CT45A1: variants seen among roughly 807,000 people sequenced by gnomAD.
The protein encoded by CT45A1 is cancer/testis antigen family 45 member A1, also known as cancer/testis antigen 45-1.
At chrX:135,712,973 CT>C (rs782195332), upstream of CT45A1, among the ~76,000 whole-genome samples, 20 of 43,212 alleles carry the variant, frequency 4.6e-4, no homozygotes, top group Middle Eastern at 9.2e-3. Context: ...TTCTTTCTTT[CT>C]TTTCTTTCTC....
upstream of CT45A1, among the ~76,000 whole-genome samples, chrX:135,712,235 C>T (rs1490880277): frequency 1.5e-4 from 11 of 71,984 alleles, no homozygotes; most frequent in Admixed American, 1.9e-3. Context: ...CCAGGCTATG[C>T]GATCAAAGCT....
chrX:135,711,184 AT>A (rs1295483866), upstream of CT45A1, among the ~76,000 whole-genome samples: 1 of 111,722 alleles, frequency 9.0e-6, no homozygotes, highest in African/African-American at 3.3e-5. Context: ...CTGTGGTGGG[AT>A]TTTTTTAATG....
chrX:135,709,197 C>T (rs2087921898), upstream of CT45A1, among the ~76,000 whole-genome samples: 1 of 112,416 alleles, frequency 8.9e-6, no homozygotes, highest in Admixed American at 9.4e-5. Context: ...CCGATCTCGG[C>T]TCACTGCAAC....
At chrX:135,714,750 T>C (rs1283058455) in intron 1 of CT45A1, among the ~76,000 whole-genome samples, 1 of 110,820 alleles carries the variant, frequency 9.0e-6, no homozygotes, top group East Asian at 2.8e-4. Flanking sequence ...TGTTTTTATT[T>C]ATTGATTTTT....
At chrX:135,714,707 G>A (rs1156666932) in intron 1 of CT45A1, among the ~76,000 whole-genome samples, 2 of 110,788 alleles carry the variant, frequency 1.8e-5, no homozygotes, top group African/African-American at 6.6e-5. Context: ...TTTCTCTGCC[G>A]ATTAATGAGA....
intron 1 of CT45A1, among the ~76,000 whole-genome samples, 182 bp downstream of exon 1, chrX:135,713,872 C>T (rs1427258141): frequency 9.1e-6 from 1 of 109,589 alleles, no homozygotes; most frequent in Non-Finnish European, 1.9e-5. Flanking sequence ...CTGTGTCAGC[C>T]GCGGGGGAGC....
chrX:135,709,065 A>C (rs1342514708), upstream of CT45A1, among the ~76,000 whole-genome samples: 17 of 112,053 alleles, frequency 1.5e-4, no homozygotes, highest in African/African-American at 5.2e-4. Flanking sequence ...GAAAGTAAAC[A>C]AAACATTCAC....
intron 4 of CT45A1, 101 bp from the exon 5 acceptor site, chrX:135,722,863 ACATTTCTATTTC>A (rs1556573239): frequency 3.7e-6 from 1 of 269,673 alleles, no homozygotes; most frequent in East Asian, 9.4e-5. Context: ...CCATGCAGAT[ACATTTCTATTTC>A]CATGCTGACT....
intron 1 of CT45A1, among the ~76,000 whole-genome samples, chrX:135,714,928 T>C (rs1263021942): frequency 9.3e-6 from 1 of 107,059 alleles, no homozygotes; most frequent in Non-Finnish European, 1.9e-5. Flanking sequence ...TCCTCCAGCT[T>C]TTACTGAGAT....
chrX:135,717,196 A>G (rs1296462284), intron 1 of CT45A1, among the ~76,000 whole-genome samples: 2 of 112,013 alleles, frequency 1.8e-5, no homozygotes, highest in Non-Finnish European at 3.8e-5. Context: ...AATTTTAAAT[A>G]TGATTGCTAG....
At chrX:135,712,933 C>T (rs782696933), upstream of CT45A1, among the ~76,000 whole-genome samples, 143 of 81,958 alleles carry the variant, frequency 1.7e-3, 1 homozygote, top group South Asian at 3.1e-3. Flanking sequence ...CTTTTCTTTT[C>T]TTTTTTTCTT....
intron 1 of CT45A1, among the ~76,000 whole-genome samples, chrX:135,714,369 G>C (rs1418087237): frequency 2.7e-5 from 3 of 109,725 alleles, no homozygotes; most frequent in Non-Finnish European, 5.7e-5. Flanking sequence ...GGGGAATGGG[G>C]TGCTGTTCCT....
upstream of CT45A1, among the ~76,000 whole-genome samples, chrX:135,711,345 C>G (rs782603018): frequency 8.9e-6 from 1 of 112,123 alleles, no homozygotes; most frequent in East Asian, 2.8e-4. Context: ...GAAACACAGG[C>G]AAATATTAAT....
rs2087971996 is a variant in CT45A1 at position 135,715,313 on chromosome X, T to TTATATATTATA, written c.-7+1630_-7+1631insTATATATATAT. Among the ~76,000 whole-genome samples the TTATATATTATA allele has an allele frequency of 8.6e-5, 6 of 70,009 alleles. 1 individual carries two copies. The highest frequency in any genetic ancestry group is 3.1e-4 in the African/African-American group (6 of 19,348). 60.8% of individuals were successfully genotyped at this position (70,009 alleles called of 115,157 possible). A position where few individuals can be genotyped will look rare whatever the true frequency, so the allele number is the denominator to read the frequency against. ...TATATAATACTTATATATACAATAC[T>TTATATATTATA]TATATATAATACTTATATATTATAT... is the stretch of plus-strand genomic sequence containing the variant. On this transcript the variant is annotated intron_variant, in intron 1 of 4. Coordinates refer to ENST00000594565, the MANE Select transcript of CT45A1 (RefSeq NM_001017417.3).
the CT45A1 span, among the ~76,000 whole-genome samples, chrX:135,708,531 G>C: frequency 2.7e-5 from 3 of 110,743 alleles, no homozygotes; most frequent in Non-Finnish European, 3.8e-5. Flanking sequence ...AGACACCACC[G>C]TGGGTGCCTG....
At chrX:135,710,634 G>A (rs1423470394), upstream of CT45A1, among the ~76,000 whole-genome samples, 1 of 112,142 alleles carries the variant, frequency 8.9e-6, no homozygotes, top group Non-Finnish European at 1.9e-5. Context: ...ATGCTACTGC[G>A]CATAATCTCC....
At chrX:135,715,268 ATATATATATAATACT>A (rs1253855243) in intron 1 of CT45A1, among the ~76,000 whole-genome samples, 4 of 78,553 alleles carry the variant, frequency 5.1e-5, no homozygotes, top group Admixed American at 1.7e-4. Context: ...TATAATACTT[ATATATATATAATACT>A]TATATATATA....
At chrX:135,717,949 G>A (rs782433620) in intron 1 of CT45A1, among the ~76,000 whole-genome samples, 4 of 111,917 alleles carry the variant, frequency 3.6e-5, no homozygotes, top group African/African-American at 1.3e-4. Flanking sequence ...ACCTCCAATA[G>A]ATTGTTGAAT....
chrX:135,715,499 T>C (rs1413429371), intron 1 of CT45A1, among the ~76,000 whole-genome samples: 1 of 82,386 alleles, frequency 1.2e-5, no homozygotes, highest in East Asian at 3.5e-4. Context: ...TATATGTATA[T>C]AATACTTATA....
Sources: gnomAD v4.1 joint callset for allele counts (sites outside exome capture counted in the v4.1 genomes callset) on GRCh38, gnomAD v4.1.1 for gene constraint, MANE v1.5 for transcripts, NCBI Gene and HGNC (gene_info 2026-07-23, HGNC 2026-07-21) for gene names.